Variants in MAPK10 observed in about 807,000 individuals in gnomAD.
MAPK10 encodes the protein JNK3 alpha protein kinase.
Under a neutral mutation model 59.3 loss-of-function variants are expected in MAPK10, and 25 were observed. That is an observed-to-expected ratio of 0.42 (90% confidence interval 0.31 to 0.59). The LOEUF (loss-of-function observed/expected upper bound fraction) is 0.59. Ranked by LOEUF, MAPK10 falls within the 20% of genes least tolerant of loss-of-function variation. The pLI is 0.15. For synonymous variants in MAPK10, 190 were observed against 200.5 expected, an observed-to-expected ratio of 0.95 and a Z score of 0.44; for missense variants, 351 against 568.9, an observed-to-expected ratio of 0.62 and a Z score of 3.90.
At chr4:86,158,069 A>AT (rs1235833294) in intron 4 of MAPK10, among the ~76,000 whole-genome samples, 1 of 152,098 alleles carries the variant, frequency 6.6e-6, no homozygotes, top group African/African-American at 2.4e-5. Context: ...AGTTACAGCA[A>AT]TTGTCTTAAT....
At chr4:86,297,111 C>A (rs1045354363) in intron 2 of MAPK10, among the ~76,000 whole-genome samples, 73 of 152,212 alleles carry the variant, frequency 4.8e-4, no homozygotes, top group Non-Finnish European at 8.7e-4. Flanking sequence ...CTGGTCAGGA[C>A]CACCCTCTAA....
At chr4:86,344,892 TAAAC>T (rs1333605845) in intron 2 of MAPK10, among the ~76,000 whole-genome samples, 2 of 152,176 alleles carry the variant, frequency 1.3e-5, no homozygotes, top group Non-Finnish European at 2.9e-5. Flanking sequence ...AGTAAATTAA[TAAAC>T]AAATACTTGT....
upstream of MAPK10, among the ~76,000 whole-genome samples, chr4:86,364,880 T>C (rs1737583159): frequency 6.6e-6 from 1 of 152,112 alleles, no homozygotes; most frequent in Non-Finnish European, 1.5e-5. Flanking sequence ...ATTGGGAGGC[T>C]GAGGTAGAAG....
At chr4:86,109,167 A>C (rs542735933) in intron 4 of MAPK10, among the ~76,000 whole-genome samples, 17 of 152,338 alleles carry the variant, frequency 1.1e-4, no homozygotes, top group African/African-American at 3.8e-4. Flanking sequence ...TATACAGCTA[A>C]GTCTGTCCTG....
chr4:86,476,364 CAGCAATTTCCTCTTAA>C (rs1477742485), intron 1 of MAPK10, among the ~76,000 whole-genome samples: 1 of 152,126 alleles, frequency 6.6e-6, no homozygotes, highest in African/African-American at 2.4e-5. Context: ...CCCACCAGCC[CAGCAATTTCCTCTTAA>C]AAAGGTGGCT....
chr4:86,508,221 G>A (rs1266322209), intron 1 of MAPK10, among the ~76,000 whole-genome samples: 1 of 152,168 alleles, frequency 6.6e-6, no homozygotes, highest in Non-Finnish European at 1.5e-5. Flanking sequence ...TGAGGCCAAA[G>A]TTAGCTCACC....
chr4:86,207,764 T>C (rs2149345683), intron 2 of MAPK10, among the ~76,000 whole-genome samples: 1 of 152,256 alleles, frequency 6.6e-6, no homozygotes, highest in Non-Finnish European at 1.5e-5. Context: ...GTCCTTCATG[T>C]CCCTTGTAAG....
At chr4:86,266,998 C>G (rs2094267326) in intron 2 of MAPK10, among the ~76,000 whole-genome samples, 1 of 151,750 alleles carries the variant, frequency 6.6e-6, no homozygotes, top group Non-Finnish European at 1.5e-5. Context: ...AATTGGAGTC[C>G]AGATTTATTT....
intron 2 of MAPK10, among the ~76,000 whole-genome samples, chr4:86,203,905 T>C (rs541773690): frequency 1.7e-4 from 26 of 151,864 alleles, no homozygotes; most frequent in Non-Finnish European, 3.1e-4. Flanking sequence ...ATATGCTCAC[T>C]TTAACATACT....
chr4:86,348,721 GTTCT>G (rs1729587294), intron 2 of MAPK10, among the ~76,000 whole-genome samples: 1 of 152,044 alleles, frequency 6.6e-6, no homozygotes, highest in Non-Finnish European at 1.5e-5. Flanking sequence ...TGGTCTCTTA[GTTCT>G]GCCTTCAGTA....
chr4:86,262,615 AC>A (rs2094044178), intron 2 of MAPK10, among the ~76,000 whole-genome samples: 1 of 152,216 alleles, frequency 6.6e-6, no homozygotes, highest in Non-Finnish European at 1.5e-5. Context: ...ATATAGTAGA[AC>A]TGAAGAATGT....
At chr4:86,101,499 C>T (rs1360823263) in intron 7 of MAPK10, 11 of 396,662 alleles carry the variant, frequency 2.8e-5, no homozygotes, top group Non-Finnish European at 4.1e-5. Flanking sequence ...TGTTAGGTTT[C>T]TCCTTAGGAC....
chr4:86,166,283 G>A (rs1263289047), intron 3 of MAPK10, among the ~76,000 whole-genome samples: 2 of 152,174 alleles, frequency 1.3e-5, no homozygotes, highest in East Asian at 1.9e-4. Context: ...CTGACTGTGA[G>A]CCCTTGGGCA....
intron 4 of MAPK10, among the ~76,000 whole-genome samples, chr4:86,135,760 A>C (rs561722564): frequency 3.3e-5 from 5 of 152,090 alleles, no homozygotes; most frequent in Admixed American, 1.3e-4. Context: ...ACATTCAAAC[A>C]AAAGGCAAAG....
At chr4:86,245,644 A>G (rs1261854489) in intron 2 of MAPK10, among the ~76,000 whole-genome samples, 1 of 152,090 alleles carries the variant, frequency 6.6e-6, no homozygotes, top group East Asian at 1.9e-4. Context: ...CACAGTGCCA[A>G]TTCTTAATAA....
At chr4:86,549,851 T>TAAAC (rs568503218) in intron 1 of MAPK10, among the ~76,000 whole-genome samples, 13 of 151,466 alleles carry the variant, frequency 8.6e-5, no homozygotes, top group African/African-American at 2.7e-4. Context: ...TTTCTAAGAA[T>TAAAC]AAACAAACAA....
chr4:86,041,514 C>CA (rs1328084960), intron 11 of MAPK10, among the ~76,000 whole-genome samples: 1 of 151,914 alleles, frequency 6.6e-6, no homozygotes, highest in Admixed American at 6.5e-5. Flanking sequence ...TTCTGCACAG[C>CA]AAAAGAAACT....
chr4:86,355,274 TG>T (rs1733819793), intron 1 of MAPK10, among the ~76,000 whole-genome samples: 1 of 152,100 alleles, frequency 6.6e-6, no homozygotes, highest in Non-Finnish European at 1.5e-5. Flanking sequence ...TTGGAAAATA[TG>T]GTCATCATAC....
chr4:86,279,836 A>G (rs367724132), intron 2 of MAPK10, among the ~76,000 whole-genome samples: 2 of 152,130 alleles, frequency 1.3e-5, no homozygotes, highest in East Asian at 3.9e-4. Context: ...TCAGGCTGTG[A>G]GCTTCTCTGA....
Sources: allele counts gnomAD v4.1 joint callset (sites outside exome capture counted in the v4.1 genomes callset), GRCh38; gene constraint gnomAD v4.1.1; transcripts MANE v1.5; gene names NCBI Gene and HGNC (gene_info 2026-07-23, HGNC 2026-07-21).